The following YAF2 variants were observed in gnomAD, a reference collection of about 807,000 sequenced individuals.
YAF2 encodes YY1-associated factor 2.
Under a neutral mutation model 20.1 loss-of-function variants are expected in YAF2, and 7 were observed. The observed-to-expected ratio is 0.35, with a 90% CI of 0.20 to 0.65. The LOEUF is 0.65. Ranked by LOEUF, YAF2 falls within the 30% of genes least tolerant of loss-of-function variation. YAF2 has a pLI of 0.69. For missense variants in YAF2, 151 were observed against 219.2 expected, an observed-to-expected ratio of 0.69 and a Z score of 1.96; for synonymous variants, 74 against 76.0, an observed-to-expected ratio of 0.97 and a Z score of 0.14.
chr12:42,234,540 A>G (rs2068085242), intron 2 of YAF2: 1 of 985,432 alleles, frequency 1.0e-6, no homozygotes, highest in Admixed American at 6.1e-5. Flanking sequence ...TGAAGCTACA[A>G]CAAATCATTT....
chr12:42,212,588 G>T, intron 2 of YAF2: 1 of 270,004 alleles, frequency 3.7e-6, no homozygotes, highest in South Asian at 3.4e-5. Flanking sequence ...AAAATAAATG[G>T]GATAAAATGG....
At chr12:42,236,207 A>G (rs1008982952) in intron 2 of YAF2, among the ~76,000 whole-genome samples, 6 of 152,252 alleles carry the variant, frequency 3.9e-5, no homozygotes, top group Admixed American at 3.3e-4. Context: ...ACACAGATAC[A>G]CAAATATACT....
intron 2 of YAF2, among the ~76,000 whole-genome samples, chr12:42,163,197 T>C (rs1266509837): frequency 6.6e-6 from 1 of 152,046 alleles, no homozygotes; most frequent in East Asian, 1.9e-4. Context: ...GCAATATATC[T>C]GGTGAATACT....
intron 2 of YAF2, among the ~76,000 whole-genome samples, chr12:42,185,886 A>C (rs1187634014): frequency 6.6e-6 from 1 of 152,132 alleles, no homozygotes; most frequent in Non-Finnish European, 1.5e-5. Flanking sequence ...CAATACAATA[A>C]ATTTATTTTT....
At chr12:42,199,914 T>C (rs2066853929) in intron 2 of YAF2, among the ~76,000 whole-genome samples, 1 of 152,192 alleles carries the variant, frequency 6.6e-6, no homozygotes, top group South Asian at 2.1e-4. Context: ...TTCAAGGTTA[T>C]ACAGTGTTCT....
intron 2 of YAF2, among the ~76,000 whole-genome samples, chr12:42,178,959 G>A (rs1171562452): frequency 7.2e-5 from 11 of 151,810 alleles, no homozygotes; most frequent in Non-Finnish European, 4.4e-5. Flanking sequence ...AGGCTGAGGC[G>A]GGAGGACAGC....
At chr12:42,176,298 T>C (rs2066190934) in intron 2 of YAF2, among the ~76,000 whole-genome samples, 1 of 151,982 alleles carries the variant, frequency 6.6e-6, no homozygotes, top group African/African-American at 2.4e-5. Flanking sequence ...TTTTTGTATT[T>C]TAAATAGAGA....
intron 2 of YAF2, among the ~76,000 whole-genome samples, chr12:42,175,759 A>AAAAAAAAAAAAAAAAT: frequency 6.7e-6 from 1 of 149,224 alleles, no homozygotes; most frequent in Non-Finnish European, 1.5e-5. Context: ...AAAAAAAAAA[A>AAAAAAAAAAAAAAAAT]AAAAAAAAAA....
intron 2 of YAF2, among the ~76,000 whole-genome samples, chr12:42,221,132 C>T (rs2067498748): frequency 6.6e-6 from 1 of 152,096 alleles, no homozygotes. Flanking sequence ...CTTAAGTTCT[C>T]ATATTATTTA....
At chr12:42,168,934 C>T (rs1048143698) in intron 2 of YAF2, among the ~76,000 whole-genome samples, 1 of 151,912 alleles carries the variant, frequency 6.6e-6, no homozygotes, top group Non-Finnish European at 1.5e-5. Context: ...CTCATACCAC[C>T]CCTCCCATCA....
chr12:42,218,185 A>AACACAC (rs71883885), intron 2 of YAF2, among the ~76,000 whole-genome samples: 22,050 of 140,482 alleles, frequency 0.16, 1,975 homozygotes, highest in Middle Eastern at 0.22. Flanking sequence ...GCTACTAGGA[A>AACACAC]ACACACACAC....
At chr12:42,228,831 G>C (rs2067877956) in intron 2 of YAF2, among the ~76,000 whole-genome samples, 1 of 62,386 alleles carries the variant, frequency 1.6e-5, no homozygotes, top group African/African-American at 1.5e-4. Flanking sequence ...CGTCCGGGAG[G>C]TGAGGGGCGC....
intron 2 of YAF2, among the ~76,000 whole-genome samples, chr12:42,193,996 T>C (rs868683299): frequency 6.6e-6 from 1 of 152,136 alleles, no homozygotes; most frequent in Non-Finnish European, 1.5e-5. Context: ...AATTTTTGAA[T>C]GGAGAAAGCA....
rs1223633343 is a variant in YAF2, at chr12:42,158,732, C to T, written c.*1857G>A. ...TGAGTATGCTCCATTCAGGTAAAAT[C>T]CCATCTCCTGTCAGATTTTTCTCTC... On this transcript the variant is annotated 3_prime_UTR_variant, in exon 4 of 4. Transcript: ENST00000534854. 6.6e-6 allele frequency: 1 copy of T among 152,136 alleles called. No homozygotes were observed. The highest frequency in any genetic ancestry group is 1.5e-5 in the Non-Finnish European group (1 of 68,010). The allele number at this position is 152,136 out of a possible 1,614,324, so 9.4% of individuals were successfully genotyped here. A position where few individuals can be genotyped will look rare whatever the true frequency, so the allele number is the denominator to read the frequency against.
At chr12:42,226,765 G>C (rs2067713532) in intron 2 of YAF2, among the ~76,000 whole-genome samples, 1 of 152,164 alleles carries the variant, frequency 6.6e-6, no homozygotes, top group African/African-American at 2.4e-5. Flanking sequence ...AAAATTATTG[G>C]AAAAGCAACG....
At chr12:42,227,563 C>T (rs1207450416) in intron 2 of YAF2, among the ~76,000 whole-genome samples, 11 of 149,002 alleles carry the variant, frequency 7.4e-5, no homozygotes, top group South Asian at 2.1e-4. Context: ...CGTCTCTGCC[C>T]GGCCGCCCTG....
intron 2 of YAF2, among the ~76,000 whole-genome samples, chr12:42,194,400 T>G (rs1303961546): frequency 6.6e-6 from 1 of 152,076 alleles, no homozygotes; most frequent in Non-Finnish European, 1.5e-5. Context: ...TCCTAACAGT[T>G]CGGGAGGCTG....
Position 42,160,837 on chromosome 12 carries a change from A to C in YAF2, c.306-11T>G, listed in dbSNP as rs1371739530. 1 of 1,583,184 alleles carries C rather than the reference A, an allele frequency of 6.3e-7. No homozygotes were observed. Among genetic ancestry groups the C allele is most frequent in the Non-Finnish European group, 8.6e-7 (1 of 1,166,528 alleles). On this transcript the variant is annotated splice_polypyrimidine_tract_variant and intron_variant, in intron 3 of 3. Coordinates refer to ENST00000534854, the MANE Select transcript of YAF2 (RefSeq NM_005748.6). Reference sequence around the variant, plus strand: ...TTTTTCAATCTTGGCCTAAACATAAAAAAATGAAATTTTAAACTAGCTTTT... The same window carrying C: ...TTTTTCAATCTTGGCCTAAACATAACAAAATGAAATTTTAAACTAGCTTTT...
chr12:42,218,509 T>C (rs964593962), intron 2 of YAF2, among the ~76,000 whole-genome samples: 1 of 152,190 alleles, frequency 6.6e-6, no homozygotes, highest in African/African-American at 2.4e-5. Context: ...AATCCCCTTT[T>C]TAAAATGTAT....
Sources: gnomAD v4.1 joint callset for allele counts (sites outside exome capture counted in the v4.1 genomes callset) on GRCh38, gnomAD v4.1.1 for gene constraint, MANE v1.5 for transcripts, NCBI Gene and HGNC (gene_info 2026-07-23, HGNC 2026-07-21) for gene names.